SMIM35: variants seen among roughly 807,000 people sequenced by gnomAD.
SMIM35 encodes the protein TMPRSS4 antisense RNA 1 (non-protein coding).
chr11:118,009,156 G>A (rs570084229), intron 4 of SMIM35, among the ~76,000 whole-genome samples: 1 of 152,162 alleles, frequency 6.6e-6, no homozygotes, highest in Non-Finnish European at 1.5e-5. Context: ...GAAGCTCAGA[G>A]CTGAGGATGG....
intron 1 of SMIM35, among the ~76,000 whole-genome samples, chr11:118,074,571 A>T (rs942492169): frequency 6.6e-6 from 1 of 151,916 alleles, no homozygotes; most frequent in Non-Finnish European, 1.5e-5. Context: ...ACATGGTGAA[A>T]CCCTGTATCT....
chr11:118,068,729 T>A (rs1944524424), intron 1 of SMIM35, among the ~76,000 whole-genome samples: 1 of 152,132 alleles, frequency 6.6e-6, no homozygotes, highest in Non-Finnish European at 1.5e-5. Flanking sequence ...AGGCTGCAGA[T>A]GAAATCTACT....
At chr11:118,069,897 G>A (rs624463) in intron 1 of SMIM35, among the ~76,000 whole-genome samples, 113,651 of 151,872 alleles carry the variant, frequency 0.75, 42,730 homozygotes, top group Admixed American at 0.8. Context: ...CCCCGTCTCT[G>A]CTAAAAATAC....
intron 1 of SMIM35, among the ~76,000 whole-genome samples, chr11:118,076,282 T>A (rs935397514): frequency 2.0e-5 from 3 of 149,376 alleles, no homozygotes. Context: ...TAAAATAAAA[T>A]ACAAAAACAC....
At chr11:118,074,564 T>C (rs1452150819) in intron 1 of SMIM35, among the ~76,000 whole-genome samples, 1 of 151,914 alleles carries the variant, frequency 6.6e-6, no homozygotes. Context: ...CTTGTCAACA[T>C]GGTGAAACCC....
intron 1 of SMIM35, among the ~76,000 whole-genome samples, chr11:118,050,075 T>C (rs1944184398): frequency 6.6e-6 from 1 of 152,164 alleles, no homozygotes; most frequent in South Asian, 2.1e-4. Flanking sequence ...GGGCTTGCCT[T>C]CAGAGGAGTG....
chr11:118,024,898 G>C (rs1225986096), intron 1 of SMIM35, among the ~76,000 whole-genome samples: 3 of 152,160 alleles, frequency 2.0e-5, no homozygotes, highest in Non-Finnish European at 4.4e-5. Context: ...ATTACCAATA[G>C]TTAGTTCTTC....
intron 1 of SMIM35, among the ~76,000 whole-genome samples, chr11:118,079,008 A>C (rs780755568): frequency 2.0e-5 from 3 of 152,104 alleles, no homozygotes; most frequent in Non-Finnish European, 4.4e-5. Flanking sequence ...AGTACACCCA[A>C]CACAGACCCT....
At chr11:118,018,984 T>G (rs2058205255) in intron 1 of SMIM35, among the ~76,000 whole-genome samples, 1 of 152,212 alleles carries the variant, frequency 6.6e-6, no homozygotes, top group Admixed American at 6.5e-5. Context: ...CTTTCTTACT[T>G]ATAAAGTAGC....
intron 1 of SMIM35, among the ~76,000 whole-genome samples, chr11:118,022,358 G>T (rs932723556): frequency 1.3e-5 from 2 of 151,842 alleles, no homozygotes; most frequent in Non-Finnish European, 2.9e-5. Flanking sequence ...CCAACAATAA[G>T]TCTTAGTAAG....
intron 4 of SMIM35, among the ~76,000 whole-genome samples, chr11:118,009,294 T>C (rs2058138961): frequency 2.0e-5 from 3 of 152,164 alleles, no homozygotes; most frequent in Non-Finnish European, 4.4e-5. Flanking sequence ...AGCTGCCAGT[T>C]TGGACTGAGG....
At chr11:118,060,633 C>G (rs921420102) in intron 1 of SMIM35, among the ~76,000 whole-genome samples, 1 of 152,070 alleles carries the variant, frequency 6.6e-6, no homozygotes, top group African/African-American at 2.4e-5. Flanking sequence ...TTCCTCTGGA[C>G]CCCCGGGGGT....
At chr11:118,077,793 C>T (rs1434595019) in intron 1 of SMIM35, among the ~76,000 whole-genome samples, 2 of 152,072 alleles carry the variant, frequency 1.3e-5, no homozygotes, top group Non-Finnish European at 2.9e-5. Flanking sequence ...AGACAGATCT[C>T]TCGAGGTCAG....
intron 4 of SMIM35, among the ~76,000 whole-genome samples, chr11:118,011,954 C>T (rs570594312): frequency 6.6e-6 from 1 of 152,298 alleles, no homozygotes; most frequent in African/African-American, 2.4e-5. Flanking sequence ...CCTGGCTATG[C>T]TGGGAGAATG....
At chr11:118,055,700 A>G (rs906658798) in intron 1 of SMIM35, among the ~76,000 whole-genome samples, 1 of 152,138 alleles carries the variant, frequency 6.6e-6, no homozygotes, top group Non-Finnish European at 1.5e-5. Flanking sequence ...AACACCACCC[A>G]ATAGCTGCTT....
In SMIM35 at chr11:118,014,730, C is replaced by T; in HGVS notation, c.136G>A (p.Val46Ile). 5.0e-6 allele frequency: 2 copies of T among 398,906 alleles called. No homozygotes were observed. The highest frequency in any genetic ancestry group is 8.8e-6 in the Non-Finnish European group (2 of 226,052). 24.7% of individuals were successfully genotyped at this position (398,906 alleles called of 1,614,324 possible). The change falls in exon 3 of 5, where the codon GTC becomes ATC. Residue 46 changes from valine (V) to isoleucine (I), a missense_variant. Val to Ile is a conservative substitution (Grantham distance 29, BLOSUM62 3). Coordinates refer to ENST00000689828, the MANE Select transcript of SMIM35 (RefSeq NM_001394165.1). The stretch of plus-strand genomic sequence containing the variant: ...CACCGGATTTGATATAAGTTGAAGA[C>T]AAAATTAGGCCCTAGGAAGACAATC... Reference protein sequence around the residue: ...RGYCWEGPNFVFNLYQIRNLK... With the variant: ...RGYCWEGPNFIFNLYQIRNLK...
chr11:118,021,023 T>A (rs921570577), intron 1 of SMIM35, among the ~76,000 whole-genome samples: 6 of 149,546 alleles, frequency 4.0e-5, no homozygotes, highest in African/African-American at 1.5e-4. Flanking sequence ...AGTGCGTTTT[T>A]AGTTTCCAAA....
intron 1 of SMIM35, among the ~76,000 whole-genome samples, chr11:118,077,749 C>T (rs1032139131): frequency 9.9e-5 from 15 of 151,686 alleles, no homozygotes; most frequent in African/African-American, 2.7e-4. Context: ...CAGTGGCTCA[C>T]GCCTGTAGTC....
intron 1 of SMIM35, among the ~76,000 whole-genome samples, chr11:118,036,772 CTTTT>C (rs949049583): frequency 6.9e-6 from 1 of 144,720 alleles, no homozygotes; most frequent in African/African-American, 2.9e-5. Context: ...TCCTTTTTTT[CTTTT>C]TTTTCTTTTT....
Sources: allele counts gnomAD v4.1 joint callset (sites outside exome capture counted in the v4.1 genomes callset), GRCh38; gene constraint gnomAD v4.1.1; transcripts MANE v1.5; gene names NCBI Gene and HGNC (gene_info 2026-07-23, HGNC 2026-07-21).